KIF26B: variants seen among roughly 807,000 people sequenced by gnomAD.
KIF26B encodes the protein kinesin family member 26B, also known as kinesin-like protein KIF26B.
In KIF26B, 63 loss-of-function variants were observed where a neutral mutation model predicts 151.2. The ratio of observed to expected loss-of-function variants is 0.42; its 90% CI spans 0.34 to 0.51. KIF26B has a LOEUF of 0.51. Among genes scored for constraint, KIF26B ranks in the 20% least tolerant of loss-of-function variants. KIF26B has a pLI of 0.07. For missense variants in KIF26B, 2,813 were observed against 2,913.6 expected (o/e 0.97, Z 0.79); for synonymous variants, 1,357 against 1,262.1 (o/e 1.08, Z -1.59).
At chr1:245,442,544 G>A (rs1161400968) in intron 4 of KIF26B, among the ~76,000 whole-genome samples, 2 of 152,182 alleles carry the variant, frequency 1.3e-5, no homozygotes, top group African/African-American at 2.4e-5. Flanking sequence ...CCAAAGATGA[G>A]TCCTTTCTCA....
intron 2 of KIF26B, among the ~76,000 whole-genome samples, chr1:245,183,793 G>A (rs557822037): frequency 9.2e-5 from 14 of 152,194 alleles, no homozygotes; most frequent in Admixed American, 2.6e-4. Flanking sequence ...CCTGCATGGG[G>A]TTGGGGAACA....
chr1:245,427,567 C>A (rs1658677608), intron 4 of KIF26B, among the ~76,000 whole-genome samples: 1 of 152,140 alleles, frequency 6.6e-6, no homozygotes, highest in African/African-American at 2.4e-5. Context: ...AAGATCACGC[C>A]ATTGCACTCC....
At chr1:245,362,056 C>A (rs1223490303) in intron 2 of KIF26B, among the ~76,000 whole-genome samples, 3 of 151,648 alleles carry the variant, frequency 2.0e-5, no homozygotes, top group Non-Finnish European at 4.4e-5. Flanking sequence ...AGGACACTGA[C>A]CTTTCGCCAT....
intron 10 of KIF26B, among the ~76,000 whole-genome samples, chr1:245,662,554 ATATATATACACACACCC>A (rs2044162498): frequency 1.3e-5 from 1 of 76,458 alleles, no homozygotes; most frequent in South Asian, 4.9e-4. Context: ...ACCCAATGAT[ATATATATACACACACCC>A]TATATATATA....
intron 2 of KIF26B, among the ~76,000 whole-genome samples, chr1:245,205,141 G>A (rs1669376584): frequency 6.6e-6 from 1 of 152,096 alleles, no homozygotes; most frequent in South Asian, 2.1e-4. Flanking sequence ...TGGAGTCCAT[G>A]TGTGTATTTT....
chr1:245,344,588 G>GC (rs1202123956), intron 2 of KIF26B, among the ~76,000 whole-genome samples: 1 of 151,580 alleles, frequency 6.6e-6, no homozygotes, highest in African/African-American at 2.4e-5. Flanking sequence ...AATCACTCTG[G>GC]CTTCTGGGAT....
chr1:245,362,452 CA>C (rs1391774853), intron 2 of KIF26B, among the ~76,000 whole-genome samples: 1 of 150,660 alleles, frequency 6.6e-6, no homozygotes, highest in African/African-American at 2.4e-5. Context: ...GCAGGAGAAT[CA>C]CTTGAACCAG....
chr1:245,155,564 G>A (rs558228074), intron 1 of KIF26B, 77 bp downstream of exon 1: 3 of 1,314,572 alleles, frequency 2.3e-6, no homozygotes, highest in East Asian at 2.6e-5. Flanking sequence ...CCGGGATCGT[G>A]CGGCCCCGGC....
intron 4 of KIF26B, among the ~76,000 whole-genome samples, chr1:245,517,429 A>T (rs999611403): frequency 2.0e-5 from 3 of 152,190 alleles, no homozygotes; most frequent in African/African-American, 7.2e-5. Flanking sequence ...AATCAATACA[A>T]ATGTTAATCT....
intron 12 of KIF26B, among the ~76,000 whole-genome samples, chr1:245,691,998 A>G (rs375575340): frequency 9.2e-5 from 14 of 152,294 alleles, no homozygotes; most frequent in South Asian, 2.1e-4. Context: ...TTGAGCTTCA[A>G]TTTTCTCATA....
chr1:245,656,724 G>T (rs1275370011), intron 10 of KIF26B, among the ~76,000 whole-genome samples: 1 of 152,136 alleles, frequency 6.6e-6, no homozygotes, highest in African/African-American at 2.4e-5. Context: ...CTTTAATAGA[G>T]CTTCAGTCAG....
At chr1:245,649,581 C>G (rs555520344) in intron 10 of KIF26B, among the ~76,000 whole-genome samples, 3 of 152,298 alleles carry the variant, frequency 2.0e-5, no homozygotes, top group African/African-American at 4.8e-5. Flanking sequence ...GTGGAAGTTT[C>G]CTGCCCTTGA....
At chr1:245,305,923 C>T (rs1243610231) in intron 2 of KIF26B, among the ~76,000 whole-genome samples, 13 of 112,650 alleles carry the variant, frequency 1.2e-4, no homozygotes, top group African/African-American at 4.8e-4. Flanking sequence ...GGTGACAGAG[C>T]GAGACGACTC....
At chr1:245,506,693 G>C (rs1660733658) in intron 4 of KIF26B, among the ~76,000 whole-genome samples, 1 of 152,116 alleles carries the variant, frequency 6.6e-6, no homozygotes, top group Admixed American at 6.5e-5. Flanking sequence ...TTGTTTGTTT[G>C]TTTTGTGACA....
intron 2 of KIF26B, among the ~76,000 whole-genome samples, chr1:245,297,200 G>T (rs1558379533): frequency 1.3e-5 from 2 of 152,064 alleles, no homozygotes; most frequent in African/African-American, 4.8e-5. Context: ...AAAATTAGCC[G>T]GTCGTGGTGG....
At chr1:245,362,820 A>G (rs1349329627) in intron 2 of KIF26B, among the ~76,000 whole-genome samples, 1 of 152,182 alleles carries the variant, frequency 6.6e-6, no homozygotes, top group Non-Finnish European at 1.5e-5. Context: ...AGTAGGGAAA[A>G]AATGATTTGG....
chr1:245,427,774 T>A (rs1658682853), intron 4 of KIF26B, among the ~76,000 whole-genome samples: 1 of 152,206 alleles, frequency 6.6e-6, no homozygotes, highest in African/African-American at 2.4e-5. Flanking sequence ...TGGTGTCTGT[T>A]CTTTTCTCCT....
rs1435448638 is a variant in KIF26B at position 245,686,609 on chromosome 1, G to C, written c.3626G>C (p.Ser1209Thr). The C allele has an allele frequency of 6.2e-7, 1 of 1,611,438 alleles. No individual in the cohort carries two copies. Among genetic ancestry groups the C allele is most frequent in the Admixed American group, 1.7e-5 (1 of 59,758 alleles). Reference protein sequence around the residue: ...SGVLDSGRPTSIISFNSDCSA... With the variant: ...SGVLDSGRPTTIISFNSDCSA... ...GTCCTGGACAGCGGCCGCCCCACCA[G>C]CATCATCAGCTTCAACAGCGACTGC... Residue 1209 changes from serine (S) to threonine (T), a missense_variant, in exon 12 of 15, where the codon AGC (serine) becomes ACC (threonine). Physicochemically the swap from Ser to Thr is moderately conservative, Grantham distance 58 (BLOSUM62 1). This residue lies in a region of KIF26B where 2,060 missense variants were observed against 2,088.6 expected (regional missense o/e 0.99). Coordinates refer to ENST00000407071, the MANE Select transcript of KIF26B (RefSeq NM_018012.4). This position sits in a 1 kb window ranked among gnomAD's most constrained non-coding sequence, Gnocchi z 5.6.
chr1:245,499,968 C>T (rs1237755552), intron 4 of KIF26B, among the ~76,000 whole-genome samples: 1 of 152,222 alleles, frequency 6.6e-6, no homozygotes, highest in Non-Finnish European at 1.5e-5. Flanking sequence ...GAAGCGTTTC[C>T]TTCCTGCCTG....
Sources: allele counts gnomAD v4.1 joint callset (sites outside exome capture counted in the v4.1 genomes callset), GRCh38; gene constraint gnomAD v4.1.1; regional missense constraint gnomAD v4.1.1; non-coding constraint Gnocchi (gnomAD v3.1); transcripts MANE v1.5; gene names NCBI Gene and HGNC (gene_info 2026-07-23, HGNC 2026-07-21).